Variants in MTRR observed in about 807,000 individuals in gnomAD.
The protein encoded by MTRR is methionine synthase reductase.
A neutral mutation model predicts 79.2 loss-of-function variants in MTRR; 63 were observed. The observed-to-expected ratio is 0.80, with a 90% CI of 0.65 to 0.98. The LOEUF is 0.98. Among genes scored for constraint, MTRR ranks in the 50% least tolerant of loss-of-function variants. The pLI, the probability that MTRR is intolerant of heterozygous loss-of-function variation, is 0.00. For missense variants in MTRR, 895 were observed against 839.6 expected (o/e 1.07, Z -0.82); for synonymous variants, 355 against 313.3 (o/e 1.13, Z -1.41).
chr5:7,860,619 C>T (rs936733081), intron 1 of MTRR, among the ~76,000 whole-genome samples: 9 of 152,148 alleles, frequency 5.9e-5, no homozygotes, highest in South Asian at 2.1e-4. Flanking sequence ...TTAAACTAGA[C>T]GTAAGATCGG....
In MTRR at chr5:7,873,453, C is replaced by G. The variant is rs41282641; in HGVS notation, c.210C>G (p.Arg70=). ...TGTGDPPDTA[R]KFVKEIQNQT... Reference sequence around the variant, plus strand: ...CCGGAGACCCACCCGACACAGCCCGCAAGTTTGTTAAGGAAATACAGAACC... The same window carrying G: ...CCGGAGACCCACCCGACACAGCCCGGAAGTTTGTTAAGGAAATACAGAACC... The change falls in exon 3 of 15, where the codon CGC becomes CGG. Residue 70 remains arginine (R), a synonymous_variant. Coordinates refer to ENST00000440940, the MANE Select transcript of MTRR (RefSeq NM_002454.3). 4.5e-3 allele frequency: 7,230 copies of G among 1,614,146 alleles called. 22 individuals are homozygous for G. The highest frequency in any genetic ancestry group is 5.8e-3 in the Non-Finnish European group (6,858 of 1,180,012).
chr5:7,869,417 T>A (rs940389194), intron 1 of MTRR: 11 of 599,940 alleles, frequency 1.8e-5, no homozygotes, highest in Non-Finnish European at 2.9e-5. Context: ...CCCGGGAGCG[T>A]GTCCTTGGGC....
At chr5:7,858,659 C>T (rs1303903924) in intron 1 of MTRR, among the ~76,000 whole-genome samples, 1 of 152,044 alleles carries the variant, frequency 6.6e-6, no homozygotes. Context: ...TTTCTAAGTG[C>T]TTTATGTAAT....
At chr5:7,871,103 A>G (rs1579599133) in intron 2 of MTRR, among the ~76,000 whole-genome samples, 180 bp downstream of exon 2, 1 of 152,204 alleles carries the variant, frequency 6.6e-6, no homozygotes, top group East Asian at 1.9e-4. Flanking sequence ...AGAAGTGTGT[A>G]GTTGAATTAG....
intron 2 of MTRR, among the ~76,000 whole-genome samples, chr5:7,863,804 G>A (rs1054630479): frequency 6.6e-6 from 1 of 152,092 alleles, no homozygotes; most frequent in Admixed American, 6.5e-5. Context: ...GAATGATTGC[G>A]TGCTTGAAAA....
rs114769292 is a variant in MTRR at position 7,881,021 on chromosome 5, T to C, written c.781-2134T>C. Among the ~76,000 whole-genome samples the C allele has an allele frequency of 4.4e-3, 672 of 152,312 alleles. 5 individuals are homozygous for C. Among genetic ancestry groups the C allele is most frequent in the African/African-American group, 0.016 (645 of 41,580 alleles). On this transcript the variant is annotated intron_variant, in intron 5 of 14. Transcript: ENST00000440940. ...CACAGTCCCTCCTCCTAGGGACCTC[T>C]TCTCTCCTACAGTCAGTGGGTTGCA...
rs1263592076 is a variant in MTRR at position 7,900,874 on chromosome 5, T to C, written c.*816T>C. 1.0e-5 allele frequency: 1 copy of C among 98,112 alleles called. No individual in the cohort carries two copies. The highest frequency in any genetic ancestry group is 3.2e-5 in the African/African-American group (1 of 30,966). The allele number at this position is 98,112 out of a possible 1,614,324, so 6.1% of individuals were successfully genotyped here. On this transcript the variant is annotated 3_prime_UTR_variant, in exon 15 of 15. Transcript: ENST00000440940. ...AGTTTTCCCACATTATTTGTCTCCA[T>C]GATACCACTCAAGCAGTGTGCTGGA... is the stretch of plus-strand genomic sequence containing the variant.
chr5:7,864,257 A>C (rs1399813816), upstream of MTRR, among the ~76,000 whole-genome samples: 2 of 152,154 alleles, frequency 1.3e-5, no homozygotes, highest in East Asian at 1.9e-4. Flanking sequence ...ACATATTTCA[A>C]AACAACATGA....
At chr5:7,891,536 T>A (rs1737580469) in intron 10 of MTRR, 122 bp downstream of exon 10, 1 of 772,768 alleles carries the variant, frequency 1.3e-6, no homozygotes, top group Non-Finnish European at 2.2e-6. Context: ...TGGAAGACAG[T>A]ACCAGGCATA....
chr5:7,858,494 C>T (rs1348033439), intron 1 of MTRR, among the ~76,000 whole-genome samples: 2 of 151,936 alleles, frequency 1.3e-5, no homozygotes, highest in Non-Finnish European at 2.9e-5. Context: ...TAATTGGAGA[C>T]AAAAAATGAT....
chr5:7,898,839 G>A (rs924051269), intron 14 of MTRR, among the ~76,000 whole-genome samples: 1 of 152,164 alleles, frequency 6.6e-6, no homozygotes, highest in Non-Finnish European at 1.5e-5. Context: ...CTGGCTAAGT[G>A]CTTGGGGCAT....
At chr5:7,891,654 C>G (rs1304534570) in intron 10 of MTRR, among the ~76,000 whole-genome samples, 1 of 152,150 alleles carries the variant, frequency 6.6e-6, no homozygotes, top group African/African-American at 2.4e-5. Context: ...ACTTAGGAGT[C>G]TCAGGCTCCT....
At chr5:7,883,131 G>A (rs750649329) in intron 5 of MTRR, 24 bp from the exon 6 acceptor site, 24 of 1,613,682 alleles carry the variant, frequency 1.5e-5, no homozygotes, top group Admixed American at 3.3e-5. Flanking sequence ...TTGCACTTAC[G>A]TTTTGTCACA....
At chr5:7,869,119 T>C (rs369596961), upstream of MTRR, 6 of 1,613,340 alleles carry the variant, frequency 3.7e-6, no homozygotes, top group Non-Finnish European at 5.1e-6. Flanking sequence ...TTTCTATTGG[T>C]CCTGGGTACC....
chr5:7,866,624 T>C (rs1287443908), upstream of MTRR: 1 of 1,528,502 alleles, frequency 6.5e-7, no homozygotes, highest in African/African-American at 1.4e-5. Context: ...TTTCCAACTG[T>C]CAGAATTTAT....
chr5:7,879,462 CAAAA>C (rs35558077), intron 5 of MTRR, among the ~76,000 whole-genome samples: 9 of 88,556 alleles, frequency 1.0e-4, no homozygotes, highest in African/African-American at 1.3e-4. Context: ...GACTCCGTCT[CAAAA>C]AAAAAAAAAA....
chr5:7,869,907 A>G (rs141381527), intron 1 of MTRR: 206 of 236,858 alleles, frequency 8.7e-4, no homozygotes, highest in Middle Eastern at 2.2e-3. Flanking sequence ...CATTCAGATA[A>G]CTTATCGAGT....
intron 8 of MTRR, 33 bp from the exon 9 acceptor site, chr5:7,889,062 G>T: frequency 6.2e-7 from 1 of 1,613,224 alleles, no homozygotes; most frequent in Non-Finnish European, 8.5e-7. Context: ...CCCACAAATT[G>T]TGTCACAATT....
intron 1 of MTRR, chr5:7,861,730 TG>T: frequency 6.5e-7 from 1 of 1,542,270 alleles, no homozygotes. Flanking sequence ...TCCTTTGCTT[TG>T]CTTTGATTCC....
Sources: gnomAD v4.1 joint callset for allele counts (sites outside exome capture counted in the v4.1 genomes callset) on GRCh38, gnomAD v4.1.1 for gene constraint, MANE v1.5 for transcripts, NCBI Gene and HGNC (gene_info 2026-07-23, HGNC 2026-07-21) for gene names.